The following MAF variants were observed in gnomAD, a reference collection of about 807,000 sequenced individuals.
MAF encodes the protein MAF bZIP transcription factor, also known as transcription factor Maf.
A neutral mutation model predicts 22.0 loss-of-function variants in MAF; 10 were observed. The observed-to-expected ratio is 0.45, with a 90% CI of 0.28 to 0.77. MAF has a LOEUF of 0.77. Among genes scored for constraint, MAF ranks in the 30% least tolerant of loss-of-function variants. The pLI, the probability that MAF is intolerant of heterozygous loss-of-function variation, is 0.12. For missense variants in MAF, 544 were observed against 548.4 expected (o/e 0.99, Z 0.08); for synonymous variants, 337 against 255.8 (o/e 1.32, Z -3.03).
chr16:79,300,381 C>T, the MAF span, among the ~76,000 whole-genome samples: 1 of 152,020 alleles, frequency 6.6e-6, no homozygotes, highest in African/African-American at 2.4e-5. Flanking sequence ...ATGGTGAAAC[C>T]CCGTCTCTAC....
the MAF span, among the ~76,000 whole-genome samples, chr16:79,580,200 G>A: frequency 6.6e-6 from 1 of 152,084 alleles, no homozygotes; most frequent in East Asian, 1.9e-4. Context: ...AGCCTGATTT[G>A]AGAACTGGGT....
the MAF span, among the ~76,000 whole-genome samples, chr16:79,568,705 A>G: frequency 6.6e-6 from 1 of 152,116 alleles, no homozygotes; most frequent in Non-Finnish European, 1.5e-5. Flanking sequence ...GAAAACTAGA[A>G]ATTTGCTGCC....
the MAF span, among the ~76,000 whole-genome samples, chr16:79,425,060 A>G: frequency 2.0e-5 from 3 of 152,134 alleles, no homozygotes; most frequent in Non-Finnish European, 2.9e-5. Flanking sequence ...ACTCTACACA[A>G]TTTTTATCGT....
the MAF span, among the ~76,000 whole-genome samples, chr16:79,327,102 A>G: frequency 3.9e-5 from 6 of 152,336 alleles, no homozygotes; most frequent in African/African-American, 1.4e-4. Context: ...CATGCAGTAC[A>G]GGGGAAATCT....
At chr16:79,534,497 T>C in the MAF span, among the ~76,000 whole-genome samples, 21 of 152,050 alleles carry the variant, frequency 1.4e-4, no homozygotes, top group Middle Eastern at 3.4e-3. Flanking sequence ...GCGATATCCT[T>C]TTATCCACCA....
the MAF span, among the ~76,000 whole-genome samples, chr16:79,213,820 T>G: frequency 1.3e-5 from 2 of 152,240 alleles, no homozygotes; most frequent in African/African-American, 4.8e-5. Flanking sequence ...TTTAAGCCAC[T>G]AAGTTTCAGG....
the MAF span, among the ~76,000 whole-genome samples, chr16:79,314,852 C>T: frequency 5.3e-5 from 8 of 152,178 alleles, no homozygotes; most frequent in Non-Finnish European, 1.0e-4. Flanking sequence ...CCTCCCTGAG[C>T]CTCCTCAGGG....
At chr16:79,475,830 T>C in the MAF span, among the ~76,000 whole-genome samples, 1 of 152,162 alleles carries the variant, frequency 6.6e-6, no homozygotes, top group South Asian at 2.1e-4. Context: ...TTACACTTGT[T>C]GCAGGCAGAA....
At chr16:79,434,315 T>C in the MAF span, among the ~76,000 whole-genome samples, 1 of 152,234 alleles carries the variant, frequency 6.6e-6, no homozygotes, top group Non-Finnish European at 1.5e-5. Flanking sequence ...TGCTTATAAA[T>C]GTTTAATGAT....
chr16:79,527,084 C>G, the MAF span, among the ~76,000 whole-genome samples: 6 of 152,180 alleles, frequency 3.9e-5, no homozygotes, highest in Non-Finnish European at 8.8e-5. Flanking sequence ...GGGAACCTGG[C>G]TTTACAGCTC....
the MAF span, among the ~76,000 whole-genome samples, chr16:79,493,148 GTT>G: frequency 1.4e-5 from 2 of 140,914 alleles, no homozygotes; most frequent in African/African-American, 5.2e-5. Context: ...TTTTTGTTTT[GTT>G]TTGTCTTGTT....
At chr16:79,511,034 C>T in the MAF span, among the ~76,000 whole-genome samples, 2 of 152,230 alleles carry the variant, frequency 1.3e-5, no homozygotes, top group Admixed American at 6.5e-5. Flanking sequence ...GTCAACCCCA[C>T]TGCAGCGGCA....
the MAF span, among the ~76,000 whole-genome samples, chr16:79,422,664 G>C: frequency 6.6e-6 from 1 of 152,090 alleles, no homozygotes; most frequent in African/African-American, 2.4e-5. Context: ...TTCCTTTGGG[G>C]GGCATATCTG....
chr16:79,479,743 G>A, the MAF span, among the ~76,000 whole-genome samples: 4 of 152,312 alleles, frequency 2.6e-5, no homozygotes, highest in Admixed American at 6.5e-5. Flanking sequence ...AGACTACTAC[G>A]TGCTAAGGTC....
At chr16:79,316,911 G>A in the MAF span, among the ~76,000 whole-genome samples, 3 of 152,186 alleles carry the variant, frequency 2.0e-5, no homozygotes, top group Admixed American at 6.5e-5. Flanking sequence ...AACAAAGTAG[G>A]AGTCACTTGA....
the MAF span, among the ~76,000 whole-genome samples, chr16:79,494,291 C>A: frequency 3.9e-5 from 6 of 152,080 alleles, no homozygotes; most frequent in Middle Eastern, 3.4e-3. Flanking sequence ...TGGGTTTGCC[C>A]ATTCACAGGG....
At chr16:79,334,483 A>G in the MAF span, among the ~76,000 whole-genome samples, 3 of 152,158 alleles carry the variant, frequency 2.0e-5, no homozygotes, top group East Asian at 5.8e-4. Context: ...GAAATGTTCT[A>G]TATCTTGACC....
chr16:79,211,010 GCTAAGTATGAA>G, the MAF span, among the ~76,000 whole-genome samples: 10 of 145,110 alleles, frequency 6.9e-5, no homozygotes, highest in Non-Finnish European at 1.2e-4. Context: ...ATGTGTTTGT[GCTAAGTATGAA>G]TGTATGGTGA....
chr16:79,414,739 A>T, the MAF span, among the ~76,000 whole-genome samples: 1 of 152,236 alleles, frequency 6.6e-6, no homozygotes, highest in Admixed American at 6.5e-5. Flanking sequence ...CAAGATCAAA[A>T]TGGAGTTTTG....
Sources: gnomAD v4.1 joint callset for allele counts (sites outside exome capture counted in the v4.1 genomes callset) on GRCh38, gnomAD v4.1.1 for gene constraint, MANE v1.5 for transcripts, NCBI Gene and HGNC (gene_info 2026-07-23, HGNC 2026-07-21) for gene names.